Variants in HNF1B observed in about 807,000 individuals in gnomAD.
The protein encoded by HNF1B is hepatocyte nuclear factor 1-beta.
A neutral mutation model predicts 61.7 loss-of-function variants in HNF1B; 8 were observed. That is an observed-to-expected ratio of 0.13 (90% CI 0.08 to 0.23). HNF1B has a LOEUF of 0.23. HNF1B is among the 10% of genes least tolerant of loss of function. The pLI, the probability that HNF1B is intolerant of heterozygous loss-of-function variation, is 1.00. For missense variants in HNF1B, 562 were observed against 714.5 expected (o/e 0.79, Z 2.43); for synonymous variants, 314 against 287.7 (o/e 1.09, Z -0.93).
intron 3 of HNF1B, 75 bp from the exon 4 acceptor site, chr17:37,731,905 A>C: frequency 2.1e-6 from 2 of 964,222 alleles, no homozygotes; most frequent in East Asian, 2.4e-5. Flanking sequence ...AAAAACACAC[A>C]ATCACAGCAG....
chr17:37,722,722 C>T (rs1323796355), intron 4 of HNF1B, among the ~76,000 whole-genome samples: 2 of 152,142 alleles, frequency 1.3e-5, no homozygotes, highest in Non-Finnish European at 2.9e-5. Context: ...GCTGAACTCA[C>T]GCAAGTGTGC....
Position 37,713,015 on chromosome 17 carries a change from T to G in HNF1B, c.1046-2352A>C, listed in dbSNP as rs140767112. 1.6e-4 allele frequency among the ~76,000 whole-genome samples: 24 copies of G among 152,340 alleles called. No homozygotes were observed. The East Asian group carries it at 4.2e-3, about 27-fold the overall frequency. On this transcript the variant is annotated intron_variant, in intron 4 of 8. Coordinates refer to ENST00000617811, the MANE Select transcript of HNF1B (RefSeq NM_000458.4). ...CTACCCTGGCAGAACCACTGATGCT[T>G]TGCCCTGGAAGCAACCTGGGAGAGA...
chr17:37,731,322 C>T, intron 4 of HNF1B: 1 of 591,014 alleles, frequency 1.7e-6, no homozygotes, highest in Non-Finnish European at 3.1e-6. Context: ...TCAGCAGCCA[C>T]ACAGGGAGAA....
At chr17:37,738,148 A>G (rs2033889222) in intron 2 of HNF1B, among the ~76,000 whole-genome samples, 1 of 152,240 alleles carries the variant, frequency 6.6e-6, no homozygotes, top group African/African-American at 2.4e-5. Context: ...GGAACTACAG[A>G]GAGTTGCTTC....
chr17:37,738,141 A>G (rs1219727088), intron 2 of HNF1B, among the ~76,000 whole-genome samples: 2 of 152,218 alleles, frequency 1.3e-5, no homozygotes, highest in African/African-American at 2.4e-5. Flanking sequence ...CTTTCCAGGA[A>G]CTACAGAGAG....
chr17:37,731,360 A>G (rs1474028877), intron 4 of HNF1B: 1 of 648,826 alleles, frequency 1.5e-6, no homozygotes, highest in Non-Finnish European at 2.8e-6. Flanking sequence ...AATAGGGTAA[A>G]GGGCTCCCTG....
At position 37,704,928 on chromosome 17, in the gene HNF1B, G is replaced by T; in HGVS notation, c.1328C>A (p.Ala443Glu). The T allele has an allele frequency of 6.2e-7, 1 of 1,614,072 alleles. No homozygotes were observed. Among genetic ancestry groups the T allele is most frequent in the Non-Finnish European group, 8.5e-7 (1 of 1,179,988 alleles). ...AGAATAGAACTTACTTTGTGCAATT[G>T]CCATGACTCCAGAGAGGGGTGTCAT... The part of the protein sequence containing the change: ...LIMTPLSGVM[A>E]IAQSLNTSQA... The change falls in exon 6 of 9, where the codon GCA becomes GAA. Residue 443 changes from alanine to glutamate, a missense_variant. By Grantham distance (107) the Ala-to-Glu change is moderately radical. This residue lies in a region of HNF1B where 211 missense variants were observed against 200.7 expected (regional missense o/e 1.05). Coordinates refer to ENST00000617811, the MANE Select transcript of HNF1B (RefSeq NM_000458.4).
intron 4 of HNF1B, among the ~76,000 whole-genome samples, chr17:37,728,202 A>T (rs546922653): frequency 6.7e-6 from 1 of 149,968 alleles, no homozygotes; most frequent in East Asian, 2.0e-4. Flanking sequence ...GGGTTTCACC[A>T]TGTTGGTCAG....
At chr17:37,725,622 T>A (rs918472248) in intron 4 of HNF1B, among the ~76,000 whole-genome samples, 1 of 152,232 alleles carries the variant, frequency 6.6e-6, no homozygotes, top group East Asian at 1.9e-4. Flanking sequence ...CAAGTCAGTA[T>A]GAATGTGTTT....
At chr17:37,722,350 T>A (rs892135779) in intron 4 of HNF1B, among the ~76,000 whole-genome samples, 2 of 152,270 alleles carry the variant, frequency 1.3e-5, no homozygotes, top group African/African-American at 2.4e-5. Context: ...GTGTGTCTGA[T>A]CATATTTAAG....
chr17:37,718,989 C>T (rs2033215787), intron 4 of HNF1B, among the ~76,000 whole-genome samples: 1 of 152,104 alleles, frequency 6.6e-6, no homozygotes, highest in African/African-American at 2.4e-5. Context: ...CCAGGCTGGA[C>T]TGTGGTGGTG....
intron 4 of HNF1B, among the ~76,000 whole-genome samples, chr17:37,726,409 A>C (rs918064538): frequency 1.3e-5 from 2 of 152,206 alleles, no homozygotes; most frequent in African/African-American, 4.8e-5. Flanking sequence ...TGCATGGAGG[A>C]ACTCGGCCCA....
chr17:37,733,964 G>C, intron 2 of HNF1B, 143 bp from the exon 3 acceptor site: 1 of 997,702 alleles, frequency 1.0e-6, no homozygotes. Context: ...TGCATGTGGA[G>C]CTGGAGATGG....
chr17:37,738,087 T>C lies in HNF1B; in HGVS notation c.544+1353A>G, dbSNP rs889440716. Reference sequence around the variant, plus strand: ...GCTTAAATTGGGCAGGGCCCAAGCGTTGTTGGGTCTTTGGAGACAATGGCT... The same window carrying C: ...GCTTAAATTGGGCAGGGCCCAAGCGCTGTTGGGTCTTTGGAGACAATGGCT... On this transcript the variant is annotated intron_variant, in intron 2 of 8. Coordinates refer to ENST00000617811, the MANE Select transcript of HNF1B (RefSeq NM_000458.4). 5.9e-5 allele frequency among the ~76,000 whole-genome samples: 9 copies of C among 152,306 alleles called. 2 individuals are homozygous for C. The highest frequency in any genetic ancestry group is 3.9e-4 in the East Asian group (2 of 5,176).
chr17:37,687,507 G>A, intron 8 of HNF1B, 115 bp from the exon 9 acceptor site: 4 of 821,710 alleles, frequency 4.9e-6, no homozygotes, highest in Non-Finnish European at 8.5e-6. Flanking sequence ...AGAGCAGCAG[G>A]TGGAGGGCTG....
At chr17:37,724,903 CGTGT>C (rs34210303) in intron 4 of HNF1B, among the ~76,000 whole-genome samples, 38,057 of 145,028 alleles carry the variant, frequency 0.26, 5,225 homozygotes, top group Non-Finnish European at 0.29. Flanking sequence ...TATATGTATG[CGTGT>C]GTGTGTGTGT....
intron 5 of HNF1B, among the ~76,000 whole-genome samples, chr17:37,707,707 C>T (rs531427651): frequency 1.3e-5 from 2 of 151,994 alleles, no homozygotes; most frequent in African/African-American, 4.8e-5. Flanking sequence ...AGCTTTTCAC[C>T]ATTAGGACAT....
chr17:37,726,144 G>GTGTT (rs1159227759), intron 4 of HNF1B, among the ~76,000 whole-genome samples: 3 of 151,912 alleles, frequency 2.0e-5, no homozygotes, highest in Non-Finnish European at 4.4e-5. Context: ...GGCTGTGTGT[G>GTGTT]TGTGTGTGTG....
chr17:37,688,920 G>A (rs149432848), intron 8 of HNF1B, among the ~76,000 whole-genome samples: 77 of 152,244 alleles, frequency 5.1e-4, no homozygotes, highest in African/African-American at 1.8e-3. Flanking sequence ...GCCAAGGCAG[G>A]TGGATCACAA....
Sources: allele counts gnomAD v4.1 joint callset (sites outside exome capture counted in the v4.1 genomes callset), GRCh38; gene constraint gnomAD v4.1.1; regional missense constraint gnomAD v4.1.1; transcripts MANE v1.5; gene names NCBI Gene and HGNC (gene_info 2026-07-23, HGNC 2026-07-21).